Variants in RNF213 observed in about 807,000 individuals in gnomAD.
RNF213 encodes the protein E3 ubiquitin-protein ligase RNF213.
A neutral mutation model predicts 514.4 loss-of-function variants in RNF213; 341 were observed. The observed-to-expected ratio is 0.66, with a 90% CI of 0.61 to 0.73. The LOEUF is 0.73. RNF213 is among the 30% of genes least tolerant of loss of function. RNF213 has a pLI of 0.00. For missense variants in RNF213, 5,767 were observed against 6,615.6 expected, an observed-to-expected ratio of 0.87 and a Z score of 4.45; for synonymous variants, 2,655 against 2,658.2, an observed-to-expected ratio of 1.00 and a Z score of 0.04.
At chr17:80,352,882 G>C in intron 32 of RNF213, 58 bp from the exon 33 acceptor site, 1 of 1,612,386 alleles carries the variant, frequency 6.2e-7, no homozygotes, top group Admixed American at 1.7e-5. Context: ...CCTGCTTAGG[G>C]CTGAGCAGCA....
intron 32 of RNF213, 71 bp from the exon 33 acceptor site, chr17:80,352,869 G>A: frequency 6.2e-7 from 1 of 1,607,866 alleles, no homozygotes; most frequent in African/African-American, 1.3e-5. Context: ...GGTGTGCAAT[G>A]TCCCTGCTTA....
At chr17:80,356,884 G>A (rs2078846407) in intron 36 of RNF213, among the ~76,000 whole-genome samples, 1 of 151,344 alleles carries the variant, frequency 6.6e-6, no homozygotes, top group South Asian at 2.1e-4. Flanking sequence ...CTTCAAAAGA[G>A]AGGCTTCGCT....
At chr17:80,282,548 A>G (rs915567574) in intron 3 of RNF213, among the ~76,000 whole-genome samples, 9 of 151,364 alleles carry the variant, frequency 5.9e-5, no homozygotes, top group African/African-American at 1.5e-4. Context: ...ACAGGCGCCC[A>G]CCACCACGCC....
intron 67 of RNF213, among the ~76,000 whole-genome samples, chr17:80,391,170 G>T (rs1314340318): frequency 6.6e-6 from 1 of 152,138 alleles, no homozygotes; most frequent in African/African-American, 2.4e-5. Flanking sequence ...CCAATCTAAA[G>T]GCCAAAATGG....
intron 2 of RNF213, among the ~76,000 whole-genome samples, chr17:80,269,250 C>T (rs1366816381): frequency 6.6e-6 from 1 of 152,046 alleles, no homozygotes; most frequent in East Asian, 1.9e-4. Flanking sequence ...AACACCCTCA[C>T]AGACACAACC....
rs2080255085 is a variant in RNF213 at position 80,386,825 on chromosome 17, T to C, written c.14856T>C (p.Asp4952=). 6.2e-7 allele frequency: 1 copy of C among 1,614,192 alleles called. No homozygotes were observed. The highest frequency in any genetic ancestry group is 2.2e-5 in the East Asian group (1 of 44,888). ...GCAGAGAGACCGTGCAGGAGTTCGA[T>C]CTGGAGAAGATTCAGCGGCAGATCG... ...EEGRETVQEF[D]LEKIQRQIVS... Residue 4952 remains aspartate, a synonymous_variant, in exon 63 of 68, where the codon GAT becomes GAC. Transcript: ENST00000582970.
intron 36 of RNF213, among the ~76,000 whole-genome samples, chr17:80,357,241 A>G (rs2078863506): frequency 6.6e-6 from 1 of 152,200 alleles, no homozygotes. Context: ...CCTTTACACA[A>G]GAATTTTGAA....
rs141121193 is a variant in RNF213 at position 80,344,665 on chromosome 17, C to G, written c.6343-13C>G. 2.2e-4 allele frequency: 361 copies of G among 1,613,960 alleles called. 1 individual carries two copies. The East Asian group carries it at 7.4e-3, about 33-fold the overall frequency. ...CTTCTTGTAACCATTTCATTAATGT[C>G]TCTCCTTTCCAGCGTACACGTGTAC... is the stretch of plus-strand genomic sequence containing the variant. On this transcript the variant is annotated splice_polypyrimidine_tract_variant and intron_variant, in intron 28 of 67. Transcript: ENST00000582970.
At chr17:80,308,743 C>T (rs79141647) in intron 13 of RNF213, among the ~76,000 whole-genome samples, 2,499 of 152,172 alleles carry the variant, frequency 0.016, 73 homozygotes, top group African/African-American at 0.054. Context: ...CATCCCTTGC[C>T]TTTTTTCACA....
chr17:80,387,844 A>G (rs751976105), intron 63 of RNF213, among the ~76,000 whole-genome samples: 1 of 151,302 alleles, frequency 6.6e-6, no homozygotes, highest in Non-Finnish European at 1.5e-5. Flanking sequence ...GCACTTTCCC[A>G]TCTCTGTTCT....
chr17:80,360,615 C>T (rs754728905), intron 38 of RNF213, among the ~76,000 whole-genome samples: 25 of 152,136 alleles, frequency 1.6e-4, no homozygotes, highest in Non-Finnish European at 8.8e-5. Flanking sequence ...TCAGAAGGCA[C>T]GAGCGCCTGG....
At chr17:80,283,807 A>G (rs571439403) in intron 3 of RNF213, among the ~76,000 whole-genome samples, 7 of 152,250 alleles carry the variant, frequency 4.6e-5, no homozygotes, top group South Asian at 2.1e-4. Context: ...TTCTCCGTCT[A>G]TTTCTGCCAG....
intron 3 of RNF213, among the ~76,000 whole-genome samples, chr17:80,275,151 AGT>A (rs2044008718): frequency 1.5e-5 from 1 of 68,350 alleles, no homozygotes; most frequent in Admixed American, 1.5e-4. Context: ...GTGTGTTGGG[AGT>A]GTGTGTGGGG....
Position 80,294,703 on chromosome 17 carries a change from C to T in RNF213, c.1472-17C>T, listed in dbSNP as rs377314436. 2 of 1,613,398 alleles carry T rather than the reference C, an allele frequency of 1.2e-6. No homozygotes were observed. Among genetic ancestry groups the T allele is most frequent in the East Asian group, 2.2e-5 (1 of 44,900 alleles). On this transcript the variant is annotated splice_polypyrimidine_tract_variant and intron_variant, in intron 8 of 67. Transcript: ENST00000582970. ...TGATGGTCTTAGGTAGGCTCTTGTT[C>T]CTTCTGTCCCTCTTAGACTGGCATC...
rs373714785 is a variant in RNF213 at position 80,361,750 on chromosome 17, C to T, written c.11217C>T (p.Phe3739=). ...TCTCTGCAGGACTGCCCAAGAAGTT[C>T]GTGGACATCTTTCAGCAGACTCCTC... is the stretch of plus-strand genomic sequence containing the variant. ...ITDAEGLPKK[F]VDIFQQTPLG... Residue 3739 remains phenylalanine (F), a synonymous_variant, in exon 39 of 68, where the codon TTC becomes TTT. Coordinates refer to ENST00000582970, the MANE Select transcript of RNF213 (RefSeq NM_001256071.3). 8 of 1,613,592 alleles carry T rather than the reference C, an allele frequency of 5.0e-6. No individual in the cohort carries two copies. The highest frequency in any genetic ancestry group is 4.5e-5 in the East Asian group (2 of 44,878).
chr17:80,352,614 CCTCA>C, intron 32 of RNF213: 1 of 586,160 alleles, frequency 1.7e-6, no homozygotes, highest in East Asian at 2.8e-5. Flanking sequence ...GTCCCCCACC[CCTCA>C]CTAACTGTGA....
intron 11 of RNF213, among the ~76,000 whole-genome samples, chr17:80,304,006 G>A (rs1444532942): frequency 6.7e-6 from 1 of 150,236 alleles, no homozygotes; most frequent in Non-Finnish European, 1.5e-5. Context: ...TCAGACCCAT[G>A]GATGGTCCAT....
chr17:80,274,906 G>A (rs1181557292), intron 3 of RNF213, among the ~76,000 whole-genome samples: 1 of 80,636 alleles, frequency 1.2e-5, no homozygotes, highest in Non-Finnish European at 2.8e-5. Context: ...TGTTGGGGGT[G>A]TGTGAGTGGG....
chr17:80,313,785 GTGGTGAAGGTGA>G (rs1273704888), intron 15 of RNF213, among the ~76,000 whole-genome samples: 28 of 146,574 alleles, frequency 1.9e-4, no homozygotes, highest in Middle Eastern at 3.6e-3. Context: ...GGTGATGGTG[GTGGTGAAGGTGA>G]TGGTGGAGGT....
Sources: gnomAD v4.1 joint callset for allele counts (sites outside exome capture counted in the v4.1 genomes callset) on GRCh38, gnomAD v4.1.1 for gene constraint, MANE v1.5 for transcripts, NCBI Gene and HGNC (gene_info 2026-07-23, HGNC 2026-07-21) for gene names.